FAM120A: variants seen among roughly 807,000 people sequenced by gnomAD.
FAM120A encodes the protein family with sequence similarity 120 member A, also known as constitutive coactivator of PPAR-gamma-like protein 1.
Under a neutral mutation model 109.7 loss-of-function variants are expected in FAM120A, and 15 were observed. The ratio of observed to expected loss-of-function variants is 0.14; its 90% CI spans 0.09 to 0.21. FAM120A has a LOEUF of 0.21. FAM120A is among the 10% of genes least tolerant of loss of function. The pLI is 1.00. For synonymous variants in FAM120A, 493 were observed against 572.8 expected (o/e 0.86, Z 1.99); for missense variants, 899 against 1,439.3 (o/e 0.62, Z 6.07).
Position 93,482,612 on chromosome 9 carries a change from G to C in FAM120A, c.804+6274G>C, listed in dbSNP as rs1371608273. Among the ~76,000 whole-genome samples, 3 of 152,312 alleles carry C rather than the reference G, an allele frequency of 2.0e-5. No homozygotes were observed. The East Asian group carries it at 5.8e-4, about 29-fold the overall frequency. ...TCCTTTAGGGCCAGCAGTTGGGTCT[G>C]GCTCTGAGAGAGTAGTGAGGAGGGT... On this transcript the variant is annotated intron_variant, in intron 3 of 17. Coordinates refer to ENST00000277165, the MANE Select transcript of FAM120A (RefSeq NM_014612.5).
intron 11 of FAM120A, among the ~76,000 whole-genome samples, chr9:93,546,282 G>A (rs1175244623): frequency 6.6e-6 from 1 of 152,016 alleles, no homozygotes; most frequent in African/African-American, 2.4e-5. Flanking sequence ...GTGACACATG[G>A]CCTTTAATCT....
chr9:93,564,175 C>T, intron 17 of FAM120A, 54 bp from the exon 18 acceptor site: 2 of 1,555,480 alleles, frequency 1.3e-6, no homozygotes, highest in East Asian at 2.3e-5. Context: ...GGCATCCTCT[C>T]TCTTCTGTTT....
chr9:93,459,066 T>C lies in FAM120A; in HGVS notation c.474+6677T>C, dbSNP rs942172207. On this transcript the variant is annotated intron_variant, in intron 1 of 17. Coordinates refer to ENST00000277165, the MANE Select transcript of FAM120A (RefSeq NM_014612.5). ...CTACTGTACTGTGTCCTACTTTTGCTCATCAAAATTTTACTTACACTTCAA... is the reference window on the plus strand; with the variant it reads ...CTACTGTACTGTGTCCTACTTTTGCCCATCAAAATTTTACTTACACTTCAA... Among the ~76,000 whole-genome samples, 15 of 152,338 alleles carry C rather than the reference T, an allele frequency of 9.8e-5. 1 individual carries two copies. The highest frequency in any genetic ancestry group is 7.8e-4 in the Admixed American group (12 of 15,300).
chr9:93,516,138 G>A lies in FAM120A; in HGVS notation c.1287G>A (p.Pro429=), dbSNP rs749431710. 5.6e-6 allele frequency: 9 copies of A among 1,613,974 alleles called. No homozygotes were observed. Among genetic ancestry groups the A allele is most frequent in the African/African-American group, 1.3e-5 (1 of 75,046 alleles). Residue 429 remains proline, a synonymous_variant, in exon 7 of 18, where the codon CCG becomes CCA. Transcript: ENST00000277165. ...SNIPHEGKHT[P]LYERSSPINP... is the part of the protein sequence containing the mutation. ...TTCCTCACGAAGGGAAGCACACGCC[G>A]CTGTATGAGCGGTCCTCGCCCATCA...
intron 10 of FAM120A, among the ~76,000 whole-genome samples, chr9:93,533,630 A>T (rs961125075): frequency 2.0e-5 from 3 of 152,142 alleles, no homozygotes; most frequent in Non-Finnish European, 4.4e-5. Context: ...GACATTTCTT[A>T]CTTTGCACAT....
rs1234728420 is a variant in FAM120A, at chr9:93,527,253, T to A, written c.1506+11T>A. ...GGAGACCAAACAAAGGTAGAAAGTC[T>A]ATGCCTTTTAGTTTTTGAGTTCTGA... On this transcript the variant is annotated intron_variant, in intron 8 of 17. Coordinates refer to ENST00000277165, the MANE Select transcript of FAM120A (RefSeq NM_014612.5). 3 of 1,610,320 alleles carry A rather than the reference T, an allele frequency of 1.9e-6. No homozygotes were observed. Among genetic ancestry groups the A allele is most frequent in the Non-Finnish European group, 2.5e-6 (3 of 1,176,668 alleles).
intron 5 of FAM120A, among the ~76,000 whole-genome samples, chr9:93,503,232 G>A (rs1021767830): frequency 6.6e-6 from 1 of 152,146 alleles, no homozygotes; most frequent in Non-Finnish European, 1.5e-5. Context: ...CATGCTTGTT[G>A]GTGTTTGCCC....
At chr9:93,510,836 C>G (rs1860284288) in intron 5 of FAM120A, among the ~76,000 whole-genome samples, 1 of 151,362 alleles carries the variant, frequency 6.6e-6, no homozygotes. Flanking sequence ...TTAATTAAAC[C>G]CAGGAACTGA....
intron 11 of FAM120A, among the ~76,000 whole-genome samples, chr9:93,547,040 G>A (rs1260984921): frequency 6.6e-6 from 1 of 152,206 alleles, no homozygotes; most frequent in African/African-American, 2.4e-5. Context: ...CAATGGGGAT[G>A]GACAGTGGAA....
chr9:93,550,137 C>T (rs988443698), intron 11 of FAM120A, among the ~76,000 whole-genome samples: 1 of 152,198 alleles, frequency 6.6e-6, no homozygotes, highest in African/African-American at 2.4e-5. Context: ...CCTGCAGCTG[C>T]AGAGTGGCCA....
chr9:93,488,817 C>T (rs971915544), intron 3 of FAM120A, among the ~76,000 whole-genome samples: 5 of 151,996 alleles, frequency 3.3e-5, no homozygotes, highest in African/African-American at 4.8e-5. Context: ...CTGTTTCAGT[C>T]ACTGCTTGCT....
In FAM120A at chr9:93,564,400, G is replaced by A; in HGVS notation, c.3217G>A (p.Ala1073Thr). ...GAACGGGAGCACGGGTGACGCCAGG[G>A]CCCCCAGCCACTCTGAAAGTGCCTT... is the stretch of plus-strand genomic sequence containing the variant. ...QMNGSTGDAR[A>T]PSHSESALNN... The change falls in exon 18 of 18, where the codon GCC becomes ACC. Residue 1073 changes from alanine (A) to threonine (T), a missense_variant. By Grantham distance (58) the Ala-to-Thr change is moderately conservative (BLOSUM62 0). Coordinates refer to ENST00000277165, the MANE Select transcript of FAM120A (RefSeq NM_014612.5). 6.6e-7 allele frequency: 1 copy of A among 1,522,968 alleles called. No homozygotes were observed. Among genetic ancestry groups the A allele is most frequent in the Non-Finnish European group, 8.7e-7 (1 of 1,143,056 alleles). The allele number at this position is 1,522,968 out of a possible 1,614,324, so 94.3% of individuals were successfully genotyped here.
intron 7 of FAM120A, among the ~76,000 whole-genome samples, chr9:93,523,708 T>C (rs907811722): frequency 2.0e-5 from 3 of 152,188 alleles, no homozygotes; most frequent in African/African-American, 7.2e-5. Flanking sequence ...GGTCACACTG[T>C]CTTCTGATGA....
rs183498327 is a variant in FAM120A, at chr9:93,497,051, A to G, written c.805-420A>G. Among the ~76,000 whole-genome samples the G allele has an allele frequency of 1.8e-3, 279 of 152,300 alleles. 2 individuals are homozygous for G. Among genetic ancestry groups the G allele is most frequent in the African/African-American group, 6.5e-3 (269 of 41,560 alleles). On this transcript the variant is annotated intron_variant, in intron 3 of 17. Transcript: ENST00000277165. ...TCTAATCTAAAGATTCTACTTGTGCAGGCCTTCATCTTTGTTGGTTGGTGT... is the reference window on the plus strand; with the variant it reads ...TCTAATCTAAAGATTCTACTTGTGCGGGCCTTCATCTTTGTTGGTTGGTGT...
intron 7 of FAM120A, among the ~76,000 whole-genome samples, chr9:93,521,115 C>G (rs964296038): frequency 2.0e-5 from 3 of 152,172 alleles, no homozygotes; most frequent in Non-Finnish European, 4.4e-5. Flanking sequence ...TATGAGAAGA[C>G]TTCTTGCCAC....
intron 7 of FAM120A, among the ~76,000 whole-genome samples, chr9:93,525,786 C>T (rs1250745555): frequency 2.0e-5 from 3 of 152,160 alleles, no homozygotes; most frequent in African/African-American, 7.2e-5. Flanking sequence ...GCTGGGGTTT[C>T]CTCTAGTTTT....
Position 93,483,080 on chromosome 9 carries a change from G to C in FAM120A, c.804+6742G>C, listed in dbSNP as rs115363507. On this transcript the variant is annotated intron_variant, in intron 3 of 17. Coordinates refer to ENST00000277165, the MANE Select transcript of FAM120A (RefSeq NM_014612.5). ...AATCTTTTTTTAAAAAATTAAGTTGGGTATAAACTGTAAATAAATAGAAAG... is the reference window on the plus strand; with the variant it reads ...AATCTTTTTTTAAAAAATTAAGTTGCGTATAAACTGTAAATAAATAGAAAG... Among the ~76,000 whole-genome samples, 1,006 of 152,150 alleles carry C rather than the reference G, an allele frequency of 6.6e-3. 14 individuals are homozygous for C. Among genetic ancestry groups the C allele is most frequent in the African/African-American group, 0.023 (972 of 41,514 alleles).
At chr9:93,521,941 G>A (rs531463816) in intron 7 of FAM120A, among the ~76,000 whole-genome samples, 6 of 152,290 alleles carry the variant, frequency 3.9e-5, no homozygotes, top group African/African-American at 9.6e-5. Context: ...TTAGCTGGAC[G>A]TGGTTGTGTT....
At position 93,491,463 on chromosome 9, in the gene FAM120A, G is replaced by A. The variant is rs137940383; in HGVS notation, c.805-6008G>A. The stretch of plus-strand genomic sequence containing the variant: ...GTTTTTCAGTAGGAAATGATGAGGA[G>A]ATTTGGGGAAAGATGACGCTAAAAG... On this transcript the variant is annotated intron_variant, in intron 3 of 17. Transcript: ENST00000277165. 2.4e-4 allele frequency among the ~76,000 whole-genome samples: 37 copies of A among 152,306 alleles called. 2 individuals are homozygous for A. The East Asian group carries it at 5.4e-3, about 22-fold the overall frequency.
Sources: allele counts gnomAD v4.1 joint callset (sites outside exome capture counted in the v4.1 genomes callset), GRCh38; gene constraint gnomAD v4.1.1; transcripts MANE v1.5; gene names NCBI Gene and HGNC (gene_info 2026-07-23, HGNC 2026-07-21).